NRG1: variants seen among roughly 807,000 people sequenced by gnomAD.
NRG1 encodes the protein neuregulin 1, also known as pro-neuregulin-1, membrane-bound isoform.
A neutral mutation model predicts 63.8 loss-of-function variants in NRG1; 18 were observed. That is an observed-to-expected ratio of 0.28 (90% CI 0.19 to 0.42). The LOEUF is 0.42. NRG1 is among the 10% of genes least tolerant of loss of function. The pLI is 1.00. For missense variants in NRG1, 762 were observed against 814.7 expected, an observed-to-expected ratio of 0.94 and a Z score of 0.79; for synonymous variants, 302 against 301.3, an observed-to-expected ratio of 1.00 and a Z score of -0.02.
intron 1 of NRG1, among the ~76,000 whole-genome samples, chr8:32,420,977 C>T (rs1252657724): frequency 3.3e-5 from 5 of 152,122 alleles, no homozygotes; most frequent in Admixed American, 1.3e-4. Flanking sequence ...TGTCCTGCCC[C>T]TTGTGAAGAG....
intron 1 of NRG1, among the ~76,000 whole-genome samples, chr8:31,946,315 T>A (rs574042486): frequency 1.1e-4 from 17 of 152,292 alleles, no homozygotes; most frequent in Non-Finnish European, 1.9e-4. Flanking sequence ...CTATAGATGA[T>A]AGGAAGAGAG....
At chr8:31,872,171 TG>T (rs1386263517) in intron 1 of NRG1, among the ~76,000 whole-genome samples, 5 of 152,218 alleles carry the variant, frequency 3.3e-5, no homozygotes, top group African/African-American at 1.2e-4. Context: ...GGATGGCGAA[TG>T]AACTTTTTAA....
chr8:32,743,527 A>G (rs994297133), intron 7 of NRG1, among the ~76,000 whole-genome samples: 3 of 147,268 alleles, frequency 2.0e-5, no homozygotes, highest in African/African-American at 5.0e-5. Context: ...GTATATATAT[A>G]TGTGTGTGCG....
intron 1 of NRG1, among the ~76,000 whole-genome samples, chr8:32,225,933 G>T (rs1281593854): frequency 6.6e-6 from 1 of 152,062 alleles, no homozygotes; most frequent in Non-Finnish European, 1.5e-5. Flanking sequence ...TAGCTCTCCT[G>T]AGTTTGTAGT....
intron 7 of NRG1, among the ~76,000 whole-genome samples, chr8:32,748,336 C>T (rs533247739): frequency 2.0e-3 from 181 of 89,630 alleles, no homozygotes; most frequent in Middle Eastern, 7.4e-3. Flanking sequence ...CACGCGCGCG[C>T]GCGCACACAC....
chr8:32,034,886 A>C (rs1336482254), intron 1 of NRG1, among the ~76,000 whole-genome samples: 1 of 149,258 alleles, frequency 6.7e-6, no homozygotes. Flanking sequence ...TTTTTTTTTC[A>C]AAAAAACAGC....
intron 1 of NRG1, among the ~76,000 whole-genome samples, chr8:32,584,982 T>C (rs996139063): frequency 5.4e-4 from 82 of 152,304 alleles, no homozygotes; most frequent in African/African-American, 1.9e-3. Context: ...TTAAATGTAA[T>C]TCAACTTGAG....
chr8:32,519,601 A>C (rs1045363939), intron 1 of NRG1, among the ~76,000 whole-genome samples: 5 of 152,152 alleles, frequency 3.3e-5, no homozygotes, highest in African/African-American at 1.2e-4. Flanking sequence ...ATAAACTAAC[A>C]ATAATGTCAC....
At chr8:32,070,590 T>C (rs7815452) in intron 1 of NRG1, among the ~76,000 whole-genome samples, 148,606 of 152,214 alleles carry the variant, frequency 0.98, 72,643 homozygotes, top group East Asian at 1. Context: ...CATAGCCACC[T>C]TATCAAAAAG....
intron 1 of NRG1, among the ~76,000 whole-genome samples, chr8:32,513,627 A>G (rs1230710233): frequency 6.6e-6 from 1 of 152,168 alleles, no homozygotes; most frequent in East Asian, 1.9e-4. Context: ...TGGTCAATGA[A>G]TATGCAAATC....
At chr8:31,825,908 A>C (rs1359202083) in intron 1 of NRG1, among the ~76,000 whole-genome samples, 1 of 152,182 alleles carries the variant, frequency 6.6e-6, no homozygotes. Flanking sequence ...TAGTTACTTG[A>C]GCTACATTGC....
Position 32,621,960 on chromosome 8 carries a change from T to C in NRG1, c.502+5075T>C, listed in dbSNP as rs1047122511. Among the ~76,000 whole-genome samples the C allele has an allele frequency of 2.6e-5, 4 of 152,280 alleles. No individual in the cohort carries two copies. In the East Asian group the frequency reaches 5.8e-4, roughly 22 times the overall value. On this transcript the variant is annotated intron_variant, in intron 5 of 11. Coordinates refer to ENST00000356819, the Ensembl canonical transcript of NRG1. Reference sequence around the variant, plus strand: ...TGAAAGGTAGCCTTTGGCACCAAGTTTATTGGGAGTATATGTGGTGGATTC... The same window carrying C: ...TGAAAGGTAGCCTTTGGCACCAAGTCTATTGGGAGTATATGTGGTGGATTC...
chr8:31,953,924 T>G (rs1803910212), intron 1 of NRG1, among the ~76,000 whole-genome samples: 1 of 152,170 alleles, frequency 6.6e-6, no homozygotes, highest in African/African-American at 2.4e-5. Flanking sequence ...TAGCTCTGAT[T>G]TGGGGCAGGC....
chr8:32,748,745 C>T, intron 7 of NRG1: 1 of 454,658 alleles, frequency 2.2e-6, no homozygotes, highest in Non-Finnish European at 4.4e-6. Flanking sequence ...ATGAAAAACC[C>T]TAGGAATTGG....
chr8:32,359,124 C>T (rs1298710980), intron 1 of NRG1, among the ~76,000 whole-genome samples: 5 of 152,022 alleles, frequency 3.3e-5, no homozygotes, highest in African/African-American at 1.2e-4. Context: ...GATAAGTCTA[C>T]GTCAGCCCCT....
intron 1 of NRG1, among the ~76,000 whole-genome samples, chr8:32,320,074 G>A (rs143417553): frequency 2.9e-4 from 44 of 152,212 alleles, no homozygotes; most frequent in African/African-American, 1.0e-3. Context: ...ACGACTGTGA[G>A]CAAGTTATTT....
intron 11 of NRG1, chr8:32,763,446 C>G (rs1214274482): frequency 1.4e-6 from 2 of 1,397,860 alleles, no homozygotes; most frequent in Non-Finnish European, 2.0e-6. Context: ...GGACCTAATG[C>G]CTTCTTGTCT....
intron 1 of NRG1, among the ~76,000 whole-genome samples, chr8:31,642,616 A>G (rs930188011): frequency 3.3e-5 from 5 of 152,218 alleles, no homozygotes; most frequent in African/African-American, 1.2e-4. Flanking sequence ...TCAGTTTGCC[A>G]GTCAAAAGAA....
chr8:32,495,536 C>T (rs1226366059), intron 1 of NRG1, among the ~76,000 whole-genome samples: 1 of 150,534 alleles, frequency 6.6e-6, no homozygotes, highest in East Asian at 2.0e-4. Context: ...GATCTCGGCT[C>T]ACTGAAACCT....
Sources: allele counts gnomAD v4.1 joint callset (sites outside exome capture counted in the v4.1 genomes callset), GRCh38; gene constraint gnomAD v4.1.1; transcripts MANE v1.5; gene names NCBI Gene and HGNC (gene_info 2026-07-23, HGNC 2026-07-21).